The following TMEM255A variants were observed in gnomAD, a reference collection of about 807,000 sequenced individuals.
The protein encoded by TMEM255A is family with sequence similarity 70, member A.
Under a neutral mutation model 23.5 loss-of-function variants are expected in TMEM255A, and 14 were observed. The observed-to-expected ratio is 0.60, with a 90% confidence interval of 0.39 to 0.93. TMEM255A has a LOEUF of 0.93. Among genes scored for constraint, TMEM255A ranks in the 40% least tolerant of loss-of-function variants. The pLI is 0.00. For synonymous variants in TMEM255A, 104 were observed against 100.3 expected (o/e 1.04, Z -0.22); for missense variants, 233 against 261.7 (o/e 0.89, Z 0.76).
intron 7 of TMEM255A, among the ~76,000 whole-genome samples, chrX:120,274,185 C>A (rs2057780695): frequency 8.9e-6 from 1 of 111,778 alleles, no homozygotes. Context: ...TTGCATGATT[C>A]CATTTATAGA....
At chrX:120,276,695 G>T (rs1237301912) in intron 7 of TMEM255A, among the ~76,000 whole-genome samples, 190 bp downstream of exon 7, 1 of 111,402 alleles carries the variant, frequency 9.0e-6, no homozygotes, top group Non-Finnish European at 1.9e-5. Context: ...TGTATAACAA[G>T]AAATATTTGC....
intron 8 of TMEM255A, among the ~76,000 whole-genome samples, chrX:120,261,889 C>T (rs981403673): frequency 7.1e-5 from 8 of 111,959 alleles, no homozygotes; most frequent in Admixed American, 2.8e-4. Context: ...GTTGCTGTAT[C>T]CTCCAGAGCT....
At chrX:120,263,077 G>C (rs1425041762) in intron 8 of TMEM255A, among the ~76,000 whole-genome samples, 2 of 111,505 alleles carry the variant, frequency 1.8e-5, no homozygotes, top group African/African-American at 6.5e-5. Context: ...AAGCTGAAGG[G>C]TTCCTGGCAG....
chrX:120,271,593 A>G (rs2057761893), intron 7 of TMEM255A, among the ~76,000 whole-genome samples: 1 of 111,274 alleles, frequency 9.0e-6, no homozygotes. Context: ...TTGATTTTTG[A>G]CAAGGTTGCT....
intron 2 of TMEM255A, among the ~76,000 whole-genome samples, chrX:120,298,221 T>TA (rs2058010166): frequency 9.0e-6 from 1 of 111,071 alleles, no homozygotes; most frequent in South Asian, 3.8e-4. Context: ...GGACAAAGGC[T>TA]AAAAAAATTA....
chrX:120,274,777 G>A (rs1397662702), intron 7 of TMEM255A, among the ~76,000 whole-genome samples: 1 of 111,947 alleles, frequency 8.9e-6, no homozygotes, highest in Non-Finnish European at 1.9e-5. Flanking sequence ...CTTAAAGTAA[G>A]GAATAAAACA....
At chrX:120,308,371 T>C (rs782020518) in intron 1 of TMEM255A, among the ~76,000 whole-genome samples, 16 of 112,039 alleles carry the variant, frequency 1.4e-4, no homozygotes, top group Admixed American at 1.1e-3. Context: ...TGTATAATCT[T>C]TATTGGGCAC....
intron 6 of TMEM255A, among the ~76,000 whole-genome samples, chrX:120,277,714 G>A (rs1287008335): frequency 3.6e-5 from 4 of 112,245 alleles, no homozygotes; most frequent in African/African-American, 1.3e-4. Flanking sequence ...AGACTTCAGT[G>A]TGTGCCCTCT....
chrX:120,298,557 T>G (rs1300330118), intron 2 of TMEM255A, among the ~76,000 whole-genome samples: 1 of 111,780 alleles, frequency 8.9e-6, no homozygotes, highest in Non-Finnish European at 1.9e-5. Context: ...GGTGCTTGAT[T>G]ATGGGATGCT....
At chrX:120,297,845 A>T (rs1336571091) in intron 2 of TMEM255A, among the ~76,000 whole-genome samples, 1 of 111,180 alleles carries the variant, frequency 9.0e-6, no homozygotes, top group African/African-American at 3.3e-5. Context: ...CTCTGCAAGG[A>T]TGGAGTGAGA....
At chrX:120,254,518 A>G (rs1556014989), downstream of TMEM255A, 3 of 1,210,163 alleles carry the variant, frequency 2.5e-6, no homozygotes, top group African/African-American at 3.5e-5. Context: ...ACCAGTTTTG[A>G]TGGATCATTA....
At chrX:120,275,784 ATT>A (rs11342181) in intron 7 of TMEM255A, among the ~76,000 whole-genome samples, 12 of 60,237 alleles carry the variant, frequency 2.0e-4, no homozygotes, top group African/African-American at 6.4e-4. Flanking sequence ...GAGCCCAAGC[ATT>A]TTTTTTTTTT....
At chrX:120,253,334 G>A in the TMEM255A span, 3 of 910,396 alleles carry the variant, frequency 3.3e-6, no homozygotes, top group Non-Finnish European at 4.5e-6. Flanking sequence ...ATTTAATGAT[G>A]CTACTGCTTA....
rs147467865 is a variant in TMEM255A at position 120,297,766 on chromosome X, G to C, written c.202-3715C>G. Among the ~76,000 whole-genome samples the C allele has an allele frequency of 6.3e-3, 706 of 111,227 alleles. 7 individuals carry two copies. Among genetic ancestry groups the C allele is most frequent in the African/African-American group, 0.021 (654 of 30,567 alleles). On this transcript the variant is annotated intron_variant, in intron 2 of 8. Transcript: ENST00000371369. ...TTTAGCCACACCTCGCTGCATTTGT[G>C]ACCAGTGCTAGTAGAATTGTGACCT... is the stretch of plus-strand genomic sequence containing the variant.
intron 2 of TMEM255A, among the ~76,000 whole-genome samples, chrX:120,300,421 T>C (rs1181210256): frequency 9.0e-6 from 1 of 111,208 alleles, no homozygotes; most frequent in Non-Finnish European, 1.9e-5. Context: ...AGGACCTCGA[T>C]CTGTCACCCA....
intron 2 of TMEM255A, among the ~76,000 whole-genome samples, chrX:120,298,877 TAGAG>T (rs60873568): frequency 4.1e-4 from 40 of 97,829 alleles, no homozygotes; most frequent in Non-Finnish European, 6.6e-4. Flanking sequence ...ACAGAGCACC[TAGAG>T]AGAGAGAGAG....
At chrX:120,269,670 C>G (rs1246925292) in intron 7 of TMEM255A, among the ~76,000 whole-genome samples, 1 of 111,777 alleles carries the variant, frequency 8.9e-6, no homozygotes, top group Non-Finnish European at 1.9e-5. Context: ...AGCTCACAGA[C>G]AGCCAGATAA....
At chrX:120,289,074 G>A (rs1051236765) in intron 4 of TMEM255A, among the ~76,000 whole-genome samples, 3 of 111,406 alleles carry the variant, frequency 2.7e-5, no homozygotes, top group Admixed American at 1.9e-4. Flanking sequence ...TCAACAATAG[G>A]ACAGCTGGCT....
At chrX:120,261,665 T>C (rs1556016708) in intron 8 of TMEM255A, among the ~76,000 whole-genome samples, 1 of 112,219 alleles carries the variant, frequency 8.9e-6, no homozygotes, top group Non-Finnish European at 1.9e-5. Context: ...AACAAAGGCA[T>C]GGAGGTGAGA....
Sources: allele counts gnomAD v4.1 joint callset (sites outside exome capture counted in the v4.1 genomes callset), GRCh38; gene constraint gnomAD v4.1.1; transcripts MANE v1.5; gene names NCBI Gene and HGNC (gene_info 2026-07-23, HGNC 2026-07-21).